HELZ: variants seen among roughly 807,000 people sequenced by gnomAD.
HELZ encodes the protein ATP-dependent RNA helicase with zinc finger domain.
Under a neutral mutation model 218.2 loss-of-function variants are expected in HELZ, and 23 were observed. That is an observed-to-expected ratio of 0.11 (90% CI 0.08 to 0.15). HELZ has a LOEUF of 0.15. Among genes scored for constraint, HELZ ranks in the 10% least tolerant of loss-of-function variants. HELZ has a pLI of 1.00. For missense variants in HELZ, 1,813 were observed against 2,353.7 expected (o/e 0.77, Z 4.75); for synonymous variants, 814 against 829.4 (o/e 0.98, Z 0.32).
At chr17:67,161,175 T>C in intron 15 of HELZ, 99 bp from the exon 16 acceptor site, 1 of 813,744 alleles carries the variant, frequency 1.2e-6, no homozygotes, top group East Asian at 2.8e-5. Flanking sequence ...TTAAAACCAC[T>C]GAAATAGCAT....
intron 3 of HELZ, among the ~76,000 whole-genome samples, chr17:67,227,049 T>C (rs1234874276): frequency 2.6e-5 from 4 of 152,230 alleles, no homozygotes; most frequent in Non-Finnish European, 5.9e-5. Context: ...CACTGCCCTG[T>C]ATCCTGATTG....
At chr17:67,180,225 T>C (rs886922900) in intron 12 of HELZ, among the ~76,000 whole-genome samples, 9 of 152,146 alleles carry the variant, frequency 5.9e-5, no homozygotes, top group Non-Finnish European at 1.3e-4. Context: ...AGCTCCCGCC[T>C]GTAACCCCAT....
At chr17:67,117,416 C>G (rs1188554547) in intron 27 of HELZ, among the ~76,000 whole-genome samples, 3 of 151,946 alleles carry the variant, frequency 2.0e-5, no homozygotes, top group Admixed American at 6.6e-5. Context: ...GCATACTGAA[C>G]TAAATGAAAA....
intron 13 of HELZ, among the ~76,000 whole-genome samples, chr17:67,168,479 A>C (rs1341043400): frequency 1.3e-5 from 2 of 152,240 alleles, no homozygotes; most frequent in African/African-American, 2.4e-5. Context: ...AAAGACTTTA[A>C]AATCACCTGG....
intron 5 of HELZ, among the ~76,000 whole-genome samples, chr17:67,214,618 T>A (rs1248128003): frequency 3.3e-5 from 5 of 151,362 alleles, no homozygotes; most frequent in Non-Finnish European, 7.4e-5. Context: ...AAAAAAAAAA[T>A]TAACTCATGT....
rs758607445 is a variant in HELZ, at chr17:67,109,214, G to C, written c.4391C>G (p.Pro1464Arg). 1.2e-6 allele frequency: 2 copies of C among 1,614,136 alleles called. No individual in the cohort carries two copies. The highest frequency in any genetic ancestry group is 1.7e-6 in the Non-Finnish European group (2 of 1,180,036). The change falls in exon 29 of 33, where the codon CCT becomes CGT. Residue 1464 changes from proline (P) to arginine (R), a missense_variant. By Grantham distance (103) the Pro-to-Arg change is moderately radical. Transcript: ENST00000358691. ...GCCGGGTTGTGCAATGGCTCTCAGA[G>C]GACTGTGGCCTTCTTGCAGCATGGG... ...PPPMLQEGHSPLRAIAQPGPI... is the reference protein window; with the variant it reads ...PPPMLQEGHSRLRAIAQPGPI...
At chr17:67,099,988 T>C (rs1296425223) in intron 31 of HELZ, among the ~76,000 whole-genome samples, 3 of 152,214 alleles carry the variant, frequency 2.0e-5, no homozygotes, top group Non-Finnish European at 4.4e-5. Context: ...TTATTAGATA[T>C]CATACATTAA....
At chr17:67,079,126 C>T (rs565303847) in intron 32 of HELZ, among the ~76,000 whole-genome samples, 12 of 152,332 alleles carry the variant, frequency 7.9e-5, no homozygotes, top group South Asian at 2.1e-4. Flanking sequence ...ATGTGCCTGA[C>T]TTTCAAGGTC....
Position 67,157,296 on chromosome 17 carries a change from AG to A in HELZ, c.2177+2964del, listed in dbSNP as rs370028304. ...CCAAGCACCTGCTTCTTCCTCAAAG[AG>A]GGGGGAAAAAAAGAAAGAAACTGAA... On this transcript the variant is annotated intron_variant, in intron 17 of 32. Coordinates refer to ENST00000358691, the MANE Select transcript of HELZ (RefSeq NM_014877.4). Among the ~76,000 whole-genome samples the A allele has an allele frequency of 3.2e-3, 489 of 152,270 alleles. 4 individuals are homozygous for A. The highest frequency in any genetic ancestry group is 0.011 in the African/African-American group (453 of 41,550).
intron 28 of HELZ, among the ~76,000 whole-genome samples, chr17:67,110,302 C>T (rs2037242257): frequency 6.6e-6 from 1 of 152,140 alleles, no homozygotes; most frequent in Admixed American, 6.5e-5. Flanking sequence ...CTCCTGACCT[C>T]AGGTGATCCG....
intron 31 of HELZ, among the ~76,000 whole-genome samples, chr17:67,101,077 T>C (rs1298512421): frequency 7.1e-6 from 1 of 140,980 alleles, no homozygotes; most frequent in Admixed American, 7.5e-5. Flanking sequence ...GCCACTGCAC[T>C]GCAGCCTGGG....
At chr17:67,159,856 TCA>T (rs774846900) in intron 17 of HELZ, among the ~76,000 whole-genome samples, 9 of 152,208 alleles carry the variant, frequency 5.9e-5, no homozygotes, top group Non-Finnish European at 1.0e-4. Context: ...ACCTGCATGA[TCA>T]CAGCCAAAAT....
At chr17:67,186,644 T>C (rs763103021) in intron 12 of HELZ, among the ~76,000 whole-genome samples, 4 of 152,164 alleles carry the variant, frequency 2.6e-5, no homozygotes, top group Non-Finnish European at 4.4e-5. Context: ...TTTTATATTA[T>C]TAATTAAATA....
chr17:67,222,907 A>G (rs1370337732), intron 3 of HELZ, among the ~76,000 whole-genome samples: 1 of 152,144 alleles, frequency 6.6e-6, no homozygotes, highest in Non-Finnish European at 1.5e-5. Flanking sequence ...TATCTATTGT[A>G]TGTGATCCTG....
chr17:67,185,226 A>G (rs1290580566), intron 12 of HELZ, among the ~76,000 whole-genome samples: 1 of 152,218 alleles, frequency 6.6e-6, no homozygotes, highest in East Asian at 1.9e-4. Flanking sequence ...GTCTCAGAAC[A>G]TTTTATAAAA....
intron 3 of HELZ, among the ~76,000 whole-genome samples, chr17:67,222,279 T>C (rs2040767656): frequency 6.6e-6 from 1 of 152,204 alleles, no homozygotes. Context: ...TGGTAATGAT[T>C]ATCCAAAGAA....
intron 13 of HELZ, chr17:67,173,036 TTG>T: frequency 3.1e-6 from 3 of 982,436 alleles, no homozygotes; most frequent in Non-Finnish European, 3.6e-6. Flanking sequence ...TCTTGTGACA[TTG>T]GTTGTGTCTT....
intron 21 of HELZ, among the ~76,000 whole-genome samples, chr17:67,138,850 TCAAA>T (rs1231307295): frequency 6.6e-6 from 1 of 152,184 alleles, no homozygotes; most frequent in Non-Finnish European, 1.5e-5. Flanking sequence ...AATGAATTGA[TCAAA>T]CAGTTTCAAT....
At chr17:67,101,771 G>A (rs1451343348) in intron 31 of HELZ, among the ~76,000 whole-genome samples, 3 of 152,192 alleles carry the variant, frequency 2.0e-5, no homozygotes, top group African/African-American at 7.2e-5. Context: ...TTTGGAAAGT[G>A]ACATCTCTTT....
Sources: gnomAD v4.1 joint callset for allele counts (sites outside exome capture counted in the v4.1 genomes callset) on GRCh38, gnomAD v4.1.1 for gene constraint, MANE v1.5 for transcripts, NCBI Gene and HGNC (gene_info 2026-07-23, HGNC 2026-07-21) for gene names.